The following CNTN6 variants were observed in gnomAD, a reference collection of about 807,000 sequenced individuals.
CNTN6 encodes the protein contactin 6, also known as contactin-6.
CNTN6 carries 137 observed loss-of-function variants against 122.8 expected under a neutral mutation model. That is an observed-to-expected ratio of 1.12 (90% CI 0.97 to 1.29). CNTN6 has a LOEUF of 1.29. CNTN6 is among the 50% of genes most tolerant of loss of function. The pLI is 0.00. For synonymous variants in CNTN6, 570 were observed against 426.0 expected, an observed-to-expected ratio of 1.34 and a Z score of -4.16; for missense variants, 1,634 against 1,223.4, an observed-to-expected ratio of 1.34 and a Z score of -5.01.
intron 2 of CNTN6, among the ~76,000 whole-genome samples, chr3:1,203,658 G>A (rs185480497): frequency 6.6e-6 from 1 of 152,172 alleles, no homozygotes. Flanking sequence ...TGATGGACTG[G>A]CATGCTTAGC....
At chr3:1,306,668 G>C (rs1698409576) in intron 7 of CNTN6, among the ~76,000 whole-genome samples, 1 of 152,078 alleles carries the variant, frequency 6.6e-6, no homozygotes, top group South Asian at 2.1e-4. Context: ...AATAGATACA[G>C]CAGAATGTTT....
chr3:1,322,145 G>T (rs1434837534), intron 8 of CNTN6, among the ~76,000 whole-genome samples: 1 of 151,514 alleles, frequency 6.6e-6, no homozygotes, highest in East Asian at 1.9e-4. Context: ...CCCATTAAAC[G>T]TTCTGCAGCA....
intron 1 of CNTN6, among the ~76,000 whole-genome samples, chr3:1,110,789 A>G (rs890259365): frequency 6.6e-6 from 1 of 152,136 alleles, no homozygotes; most frequent in Non-Finnish European, 1.5e-5. Flanking sequence ...CCTGATTCAA[A>G]TCTACATCTG....
chr3:1,279,967 C>G (rs1252317414), intron 5 of CNTN6, among the ~76,000 whole-genome samples: 2 of 152,220 alleles, frequency 1.3e-5, no homozygotes, highest in Non-Finnish European at 2.9e-5. Context: ...AATATTGTTT[C>G]AGAACACACA....
At chr3:1,226,461 T>C (rs954351656) in intron 3 of CNTN6, among the ~76,000 whole-genome samples, 2 of 152,172 alleles carry the variant, frequency 1.3e-5, no homozygotes, top group African/African-American at 4.8e-5. Flanking sequence ...CCCCTCACTC[T>C]TCTTCTCTGA....
intron 1 of CNTN6, among the ~76,000 whole-genome samples, chr3:1,142,335 C>G (rs1253063409): frequency 6.6e-6 from 1 of 152,020 alleles, no homozygotes; most frequent in Non-Finnish European, 1.5e-5. Flanking sequence ...TGAGTTCTTT[C>G]ATCTGCCTTC....
At chr3:1,201,951 A>G (rs1389621046) in intron 2 of CNTN6, among the ~76,000 whole-genome samples, 2 of 152,190 alleles carry the variant, frequency 1.3e-5, no homozygotes, top group East Asian at 3.8e-4. Context: ...ATTATTTTGT[A>G]ATGTAATAAT....
chr3:1,269,608 T>A (rs1320140275), intron 4 of CNTN6, among the ~76,000 whole-genome samples: 1 of 152,210 alleles, frequency 6.6e-6, no homozygotes, highest in African/African-American at 2.4e-5. Context: ...GTCAGGCAAA[T>A]GTGTCTATTA....
intron 12 of CNTN6, among the ~76,000 whole-genome samples, chr3:1,352,742 A>G (rs1474747654): frequency 6.6e-6 from 1 of 151,802 alleles, no homozygotes; most frequent in East Asian, 1.9e-4. Context: ...GTTAGGGGCC[A>G]TGGACGTTTT....
chr3:1,363,249 C>G (rs1356053279), intron 12 of CNTN6, among the ~76,000 whole-genome samples: 1 of 151,856 alleles, frequency 6.6e-6, no homozygotes, highest in Non-Finnish European at 1.5e-5. Context: ...ATGAGAACAC[C>G]TGAAATCTAA....
chr3:1,183,909 A>C (rs1183136581), intron 2 of CNTN6, among the ~76,000 whole-genome samples: 2 of 152,172 alleles, frequency 1.3e-5, no homozygotes. Context: ...GCCTGCTTTC[A>C]AACTCATTTG....
chr3:1,294,124 T>G (rs2125858098), intron 5 of CNTN6, among the ~76,000 whole-genome samples: 1 of 152,212 alleles, frequency 6.6e-6, no homozygotes, highest in African/African-American at 2.4e-5. Context: ...AAAATAAAAA[T>G]GTATACAGAC....
At chr3:1,152,772 G>A (rs1476860526) in intron 2 of CNTN6, among the ~76,000 whole-genome samples, 1 of 152,178 alleles carries the variant, frequency 6.6e-6, no homozygotes, top group East Asian at 1.9e-4. Context: ...GTTGAATCGT[G>A]TGCTATATCT....
intron 1 of CNTN6, among the ~76,000 whole-genome samples, chr3:1,113,373 A>G (rs917529370): frequency 6.6e-6 from 1 of 152,202 alleles, no homozygotes; most frequent in Non-Finnish European, 1.5e-5. Flanking sequence ...ATATTTTTCC[A>G]GAATCATGAC....
chr3:1,303,312 G>T (rs1388640072), intron 7 of CNTN6, among the ~76,000 whole-genome samples: 1 of 152,056 alleles, frequency 6.6e-6, no homozygotes, highest in Non-Finnish European at 1.5e-5. Flanking sequence ...TCTTCAGACT[G>T]TTTTTTAGCA....
intron 1 of CNTN6, among the ~76,000 whole-genome samples, chr3:1,132,628 G>A (rs2092366603): frequency 6.7e-6 from 1 of 150,254 alleles, no homozygotes; most frequent in African/African-American, 2.5e-5. Flanking sequence ...CTGCATTCCA[G>A]CCTGGATAAC....
chr3:1,195,773 T>C (rs1575189435), intron 2 of CNTN6, among the ~76,000 whole-genome samples: 1 of 152,236 alleles, frequency 6.6e-6, no homozygotes, highest in African/African-American at 2.4e-5. Flanking sequence ...ACCTCATTCA[T>C]TATGTATTGA....
At chr3:1,176,274 G>A (rs559963651) in intron 2 of CNTN6, among the ~76,000 whole-genome samples, 1 of 152,116 alleles carries the variant, frequency 6.6e-6, no homozygotes, top group Non-Finnish European at 1.5e-5. Flanking sequence ...AAAATTAGCT[G>A]GATATGGTGG....
At chr3:1,193,060 C>T (rs1238368562) in intron 2 of CNTN6, among the ~76,000 whole-genome samples, 1 of 152,152 alleles carries the variant, frequency 6.6e-6, no homozygotes, top group African/African-American at 2.4e-5. Context: ...GTTACATGTA[C>T]ATTAATTTGC....
Sources: gnomAD v4.1 joint callset for allele counts (sites outside exome capture counted in the v4.1 genomes callset) on GRCh38, gnomAD v4.1.1 for gene constraint, MANE v1.5 for transcripts, NCBI Gene and HGNC (gene_info 2026-07-23, HGNC 2026-07-21) for gene names.